The following DNAH11 variants were observed in gnomAD, a reference collection of about 807,000 sequenced individuals.
DNAH11 encodes the protein dynein axonemal heavy chain 11, also known as axonemal beta dynein heavy chain 11.
A neutral mutation model predicts 526.0 loss-of-function variants in DNAH11; 442 were observed. That is an observed-to-expected ratio of 0.84 (90% CI 0.78 to 0.91). The LOEUF (loss-of-function observed/expected upper bound fraction) is 0.91. DNAH11 is among the 40% of genes least tolerant of loss of function. DNAH11 has a pLI of 0.00. For synonymous variants in DNAH11, 2,461 were observed against 1,935.9 expected (o/e 1.27, Z -7.12); for missense variants, 6,989 against 5,448.7 (o/e 1.28, Z -8.90).
chr7:21,637,304 T>A (rs892376840), intron 26 of DNAH11, among the ~76,000 whole-genome samples: 2 of 151,990 alleles, frequency 1.3e-5, no homozygotes, highest in African/African-American at 4.8e-5. Context: ...CATTCTCCCT[T>A]CCTTGTCTCC....
rs575798693 is a variant in DNAH11, at chr7:21,824,857, T to C, written c.10691+6518T>C. On this transcript the variant is annotated intron_variant, in intron 65 of 81. Transcript: ENST00000409508. Reference sequence around the variant, plus strand: ...TCTACATTGCTCCTTCTGGCTCTAGTTCTTGCAAATTCGTTACTATAATAT... The same window carrying C: ...TCTACATTGCTCCTTCTGGCTCTAGCTCTTGCAAATTCGTTACTATAATAT... Among the ~76,000 whole-genome samples the C allele has an allele frequency of 1.8e-4, 27 of 152,302 alleles. 1 individual carries two copies. The South Asian group carries it at 5.6e-3, about 32-fold the overall frequency.
At chr7:21,788,076 G>A (rs921538605) in intron 60 of DNAH11, among the ~76,000 whole-genome samples, 15 of 152,096 alleles carry the variant, frequency 9.9e-5, no homozygotes, top group Admixed American at 4.6e-4. Context: ...TGTACTTTTC[G>A]GCAGTGTAGA....
chr7:21,618,093 TCTC>T (rs890446662), intron 23 of DNAH11: 33 of 188,380 alleles, frequency 1.8e-4, no homozygotes, highest in African/African-American at 6.5e-4. Flanking sequence ...ATTACTCATC[TCTC>T]CTCATTCTTT....
At chr7:21,613,892 C>T (rs1022317066) in intron 20 of DNAH11, among the ~76,000 whole-genome samples, 5 of 151,828 alleles carry the variant, frequency 3.3e-5, no homozygotes, top group African/African-American at 7.3e-5. Context: ...CTCAGCCTCC[C>T]GAGTAACTGG....
chr7:21,740,869 A>G (rs1048304922), intron 48 of DNAH11, among the ~76,000 whole-genome samples: 1 of 152,198 alleles, frequency 6.6e-6, no homozygotes, highest in Admixed American at 6.5e-5. Flanking sequence ...CAGTTTCTCT[A>G]TATCCTCACA....
intron 79 of DNAH11, 63 bp downstream of exon 79, chr7:21,895,062 G>C: frequency 6.0e-6 from 8 of 1,330,938 alleles, no homozygotes; most frequent in Non-Finnish European, 5.4e-6. Flanking sequence ...TTAGTGTTCT[G>C]AATAATGCTT....
chr7:21,634,265 C>A (rs762181738), intron 25 of DNAH11, among the ~76,000 whole-genome samples: 11 of 152,248 alleles, frequency 7.2e-5, no homozygotes, highest in Non-Finnish European at 1.6e-4. Context: ...CTGTCAGTAT[C>A]TTGAGACTTG....
chr7:21,555,684 G>T (rs925637789), intron 2 of DNAH11, among the ~76,000 whole-genome samples: 2 of 152,198 alleles, frequency 1.3e-5, no homozygotes, highest in Admixed American at 6.5e-5. Flanking sequence ...GCTTGTGCAT[G>T]ACGTTGCCTG....
rs753754970 is a variant in DNAH11 at position 21,873,535 on chromosome 7, A to C, written c.12195+34A>C. 8.8e-6 allele frequency: 14 copies of C among 1,599,604 alleles called. No homozygotes were observed. In the South Asian group the frequency reaches 1.5e-4, roughly 18 times the overall value. On this transcript the variant is annotated intron_variant, in intron 74 of 81. Coordinates refer to ENST00000409508, the MANE Select transcript of DNAH11 (RefSeq NM_001277115.2). The stretch of plus-strand genomic sequence containing the variant: ...GCGAAGCAGGCTAGGCAGACAATGA[A>C]GTCAGAGTCATCTCACAAGACTGTG...
In DNAH11 at chr7:21,787,582, A is replaced by C. The variant is rs775020868; in HGVS notation, c.9923A>C (p.Glu3308Ala). Reference protein sequence around the residue: ...AWVINIIKFYEVYCDVEPKRQ... With the variant: ...AWVINIIKFYAVYCDVEPKRQ... The stretch of plus-strand genomic sequence containing the variant: ...GTCATCAACATCATTAAATTCTATG[A>C]GGTATCAATCCTAAATTGATTGTTT... Residue 3308 changes from glutamate (E) to alanine (A), a missense_variant and splice_region_variant, in exon 60 of 82, where the codon GAG (glutamate) becomes GCG (alanine). By Grantham distance (107) the Glu-to-Ala change is moderately radical. Transcript: ENST00000409508. 1 of 1,607,762 alleles carries C rather than the reference A, an allele frequency of 6.2e-7. No homozygotes were observed. Among genetic ancestry groups the C allele is most frequent in the Non-Finnish European group, 8.5e-7 (1 of 1,176,986 alleles).
intron 32 of DNAH11, among the ~76,000 whole-genome samples, 152 bp from the exon 33 acceptor site, chr7:21,686,946 CA>C (rs749926013): frequency 1.5e-4 from 23 of 152,268 alleles, no homozygotes; most frequent in Admixed American, 2.6e-4. Flanking sequence ...TATTCTGATT[CA>C]TTATTGCCAT....
rs145424668 is a variant in DNAH11 at position 21,870,444 on chromosome 7, G to T, written c.11967+1453G>T. Reference sequence around the variant, plus strand: ...GAGACCTTTGTAAGGGGACTTGAGGGCAGTGTAGTGCATCCCCTTCTGAGG... The same window carrying T: ...GAGACCTTTGTAAGGGGACTTGAGGTCAGTGTAGTGCATCCCCTTCTGAGG... On this transcript the variant is annotated intron_variant, in intron 73 of 81. Transcript: ENST00000409508. 9.9e-5 allele frequency among the ~76,000 whole-genome samples: 15 copies of T among 152,262 alleles called. No individual in the cohort carries two copies. The East Asian group carries it at 2.3e-3, about 23-fold the overall frequency.
intron 53 of DNAH11, 85 bp downstream of exon 53, chr7:21,749,886 C>T (rs1225792212): frequency 3.2e-6 from 5 of 1,576,280 alleles, no homozygotes; most frequent in South Asian, 2.4e-5. Flanking sequence ...AGAGAGAATT[C>T]GTCTTTGAGA....
At chr7:21,575,711 A>G (rs1405975949) in intron 8 of DNAH11, among the ~76,000 whole-genome samples, 1 of 152,158 alleles carries the variant, frequency 6.6e-6, no homozygotes, top group Non-Finnish European at 1.5e-5. Context: ...CCCCAAAGGC[A>G]TCTCTATTAA....
chr7:21,588,975 A>G (rs1034890485), intron 11 of DNAH11, among the ~76,000 whole-genome samples: 2 of 152,062 alleles, frequency 1.3e-5, no homozygotes, highest in African/African-American at 2.4e-5. Context: ...TTCTCTTCCT[A>G]GGAGCCAGTA....
At chr7:21,590,394 A>G (rs1268059199) in intron 12 of DNAH11, among the ~76,000 whole-genome samples, 3 of 152,214 alleles carry the variant, frequency 2.0e-5, no homozygotes, top group African/African-American at 7.2e-5. Flanking sequence ...TTCCATGACA[A>G]AACACAAAAT....
rs1787212074 is a variant in DNAH11, at chr7:21,643,457, A to G, written c.4944+4392A>G. Among the ~76,000 whole-genome samples, 3 of 152,308 alleles carry G rather than the reference A, an allele frequency of 2.0e-5. No individual in the cohort carries two copies. In the South Asian group the frequency reaches 6.2e-4, roughly 32 times the overall value. ...AGGTTAGGTTTGGAGAAGCTAATCCACAATAGAGCTATACTAAAGAAAGAC... is the reference window on the plus strand; with the variant it reads ...AGGTTAGGTTTGGAGAAGCTAATCCGCAATAGAGCTATACTAAAGAAAGAC... On this transcript the variant is annotated intron_variant, in intron 28 of 81. Coordinates refer to ENST00000409508, the MANE Select transcript of DNAH11 (RefSeq NM_001277115.2).
At chr7:21,773,657 A>ATT (rs139017404) in intron 55 of DNAH11, 109 bp from the exon 56 acceptor site, 142 of 829,004 alleles carry the variant, frequency 1.7e-4, no homozygotes, top group Middle Eastern at 2.3e-4. Flanking sequence ...TTATACTATC[A>ATT]TTTTTTTTTC....
chr7:21,652,868 ATATTTATTTATT>A (rs904822579), intron 28 of DNAH11, among the ~76,000 whole-genome samples: 1 of 151,828 alleles, frequency 6.6e-6, no homozygotes, highest in Non-Finnish European at 1.5e-5. Context: ...GTTTTTTTTA[ATATTTATTTATT>A]TATTTATGTA....
Sources: allele counts gnomAD v4.1 joint callset (sites outside exome capture counted in the v4.1 genomes callset), GRCh38; gene constraint gnomAD v4.1.1; transcripts MANE v1.5; gene names NCBI Gene and HGNC (gene_info 2026-07-23, HGNC 2026-07-21).